ABLIM2: variants seen among roughly 807,000 people sequenced by gnomAD.
ABLIM2 encodes actin binding LIM protein family member 2, also known as actin-binding LIM protein 2.
Under a neutral mutation model 97.7 loss-of-function variants are expected in ABLIM2, and 53 were observed. That is an observed-to-expected ratio of 0.54 (90% CI 0.44 to 0.68). The LOEUF is 0.68. Ranked by LOEUF, ABLIM2 falls within the 30% of genes least tolerant of loss-of-function variation. The pLI, the probability that ABLIM2 is intolerant of heterozygous loss-of-function variation, is 0.00. For synonymous variants in ABLIM2, 361 were observed against 345.8 expected, an observed-to-expected ratio of 1.04 and a Z score of -0.49; for missense variants, 835 against 867.2, an observed-to-expected ratio of 0.96 and a Z score of 0.47.
intron 3 of ABLIM2, among the ~76,000 whole-genome samples, chr4:8,089,057 T>C (rs1825621377): frequency 6.6e-6 from 1 of 152,232 alleles, no homozygotes; most frequent in Non-Finnish European, 1.5e-5. Flanking sequence ...TTATTTCAAT[T>C]TTTTAAAGTA....
chr4:8,075,863 A>G lies in ABLIM2; in HGVS notation c.675+1765T>C, dbSNP rs1815681798. Among the ~76,000 whole-genome samples, 1 of 152,254 alleles carries G rather than the reference A, an allele frequency of 6.6e-6. No homozygotes were observed. The highest frequency in any genetic ancestry group is 1.5e-5 in the Non-Finnish European group (1 of 68,038). Reference sequence around the variant, plus strand: ...AAATAGGAAATATGAGTTGGGAAACACAGGGATGTTTGGGATACAACATGG... The same window carrying G: ...AAATAGGAAATATGAGTTGGGAAACGCAGGGATGTTTGGGATACAACATGG... On this transcript the variant is annotated intron_variant, in intron 6 of 20. Coordinates refer to ENST00000447017, the MANE Select transcript of ABLIM2 (RefSeq NM_001130083.2). This position sits in a 1 kb window ranked among gnomAD's most constrained non-coding sequence, Gnocchi z 4.4.
rs530303113 is a variant in ABLIM2, at chr4:8,023,271, C to T, written c.1268-2968G>A. 6.6e-6 allele frequency: 1 copy of T among 152,404 alleles called. No homozygotes were observed. The highest frequency in any genetic ancestry group is 2.1e-4 in the South Asian group (1 of 4,828). 9.4% of individuals were successfully genotyped at this position (152,404 alleles called of 1,614,324 possible). A position where few individuals can be genotyped will look rare whatever the true frequency, so the allele number is the denominator to read the frequency against. ...GTTTCCCCGGGTGTCACCTGATGTTCTTCCGCTCCAGGATCCCACCCAGGA... is the reference window on the plus strand; with the variant it reads ...GTTTCCCCGGGTGTCACCTGATGTTTTTCCGCTCCAGGATCCCACCCAGGA... On this transcript the variant is annotated intron_variant, in intron 12 of 20. Transcript: ENST00000447017. The surrounding 1 kb of genome is among the most constrained non-coding windows in gnomAD (Gnocchi z 5.7).
chr4:7,994,718 G>A (rs80084975), intron 16 of ABLIM2, among the ~76,000 whole-genome samples: 2 of 112,602 alleles, frequency 1.8e-5, no homozygotes, highest in Admixed American at 9.8e-5. Flanking sequence ...CCCACCAACA[G>A]TGTAAAAGTG....
At chr4:8,088,882 T>A (rs986886065) in intron 3 of ABLIM2, among the ~76,000 whole-genome samples, 1 of 152,152 alleles carries the variant, frequency 6.6e-6, no homozygotes, top group East Asian at 1.9e-4. Context: ...AGAACCAGAA[T>A]CAAACCAAGA....
intron 1 of ABLIM2, among the ~76,000 whole-genome samples, chr4:8,153,032 A>G (rs971006319): frequency 3.9e-5 from 6 of 152,176 alleles, no homozygotes; most frequent in African/African-American, 1.4e-4. Context: ...GGAAGGGACT[A>G]TGGAATCTAG....
rs992489135 is a variant in ABLIM2 at position 8,003,027 on chromosome 4, C to G, written c.1618+5032G>C. On this transcript the variant is annotated intron_variant, in intron 16 of 20. Coordinates refer to ENST00000447017, the MANE Select transcript of ABLIM2 (RefSeq NM_001130083.2). This position sits in a 1 kb window ranked among gnomAD's most constrained non-coding sequence, Gnocchi z 4.2. ...TGTCTCCCAGCCCCTAGTAGAATGT[C>G]GGCTCCCCAGACAGGGAACTTTGTC... is the stretch of plus-strand genomic sequence containing the variant. Among the ~76,000 whole-genome samples, 2 of 152,188 alleles carry G rather than the reference C, an allele frequency of 1.3e-5. No homozygotes were observed. Among genetic ancestry groups the G allele is most frequent in the East Asian group, 3.9e-4 (2 of 5,188 alleles).
chr4:8,022,431 G>A lies in ABLIM2; in HGVS notation c.1268-2128C>T, dbSNP rs973087367. Among the ~76,000 whole-genome samples the A allele has an allele frequency of 2.0e-5, 3 of 152,326 alleles. No homozygotes were observed. In the South Asian group the frequency reaches 6.2e-4, roughly 32 times the overall value. On this transcript the variant is annotated intron_variant, in intron 12 of 20. Coordinates refer to ENST00000447017, the MANE Select transcript of ABLIM2 (RefSeq NM_001130083.2). The surrounding 1 kb of genome is among the most constrained non-coding windows in gnomAD (Gnocchi z 7.8). ...TTGAGGAGGGTCCGGAGACTCATCA[G>A]CTTTCATCAGATACTTGGAGGGGCC...
intron 18 of ABLIM2, among the ~76,000 whole-genome samples, chr4:7,983,897 C>T (rs7686189): frequency 0.07 from 10,614 of 152,296 alleles, 388 homozygotes; most frequent in Non-Finnish European, 0.079. Context: ...GCCTGTACAG[C>T]GGGCATTTCA....
intron 12 of ABLIM2, among the ~76,000 whole-genome samples, chr4:8,027,556 G>A (rs572538845): frequency 2.6e-4 from 39 of 152,300 alleles, no homozygotes; most frequent in Middle Eastern, 3.4e-3. Context: ...GTTCCTTTAT[G>A]TAACAAGGTA....
rs1803446792 is a variant in ABLIM2, at chr4:8,061,994, G to C, written c.676-940C>G. ...AGGCTTTTCTCCTGCGCAGAGCCTG[G>C]TGTGGCCTCCTCTGCCAACCTCCGG... On this transcript the variant is annotated intron_variant, in intron 6 of 20. Transcript: ENST00000447017. The surrounding 1 kb of genome is among the most constrained non-coding windows in gnomAD (Gnocchi z 4.5). 6.6e-6 allele frequency among the ~76,000 whole-genome samples: 1 copy of C among 152,154 alleles called. No individual in the cohort carries two copies. The highest frequency in any genetic ancestry group is 1.5e-5 in the Non-Finnish European group (1 of 68,044).
intron 3 of ABLIM2, among the ~76,000 whole-genome samples, chr4:8,091,359 ATAT>A (rs1827650128): frequency 4.1e-5 from 2 of 49,162 alleles, no homozygotes; most frequent in African/African-American, 1.6e-4. Flanking sequence ...ATAATTATAT[ATAT>A]ATTATATTAC....
chr4:7,990,478 G>A (rs926550023), intron 17 of ABLIM2, among the ~76,000 whole-genome samples: 5 of 152,042 alleles, frequency 3.3e-5, no homozygotes, highest in African/African-American at 4.8e-5. Flanking sequence ...GAGCAACCAC[G>A]CCCCACCTCT....
rs984177937 is a variant in ABLIM2, at chr4:8,082,672, A to AG, written c.455-1871dup. Among the ~76,000 whole-genome samples, 1 of 152,214 alleles carries AG rather than the reference A, an allele frequency of 6.6e-6. No homozygotes were observed. Among genetic ancestry groups the AG allele is most frequent in the Non-Finnish European group, 1.5e-5 (1 of 68,028 alleles). On this transcript the variant is annotated intron_variant, in intron 4 of 20. Transcript: ENST00000447017. The surrounding 1 kb of genome is among the most constrained non-coding windows in gnomAD (Gnocchi z 5.6). Reference sequence around the variant, plus strand: ...AGAGCAGATTCAAACTCTGAGGGAAAGGGGGGCCTCTTACTCATTTCAGGA... The same window carrying AG: ...AGAGCAGATTCAAACTCTGAGGGAAAGGGGGGGCCTCTTACTCATTTCAGGA...
intron 1 of ABLIM2, among the ~76,000 whole-genome samples, chr4:8,153,236 C>T (rs1425345475): frequency 1.3e-5 from 2 of 152,200 alleles, no homozygotes; most frequent in Admixed American, 1.3e-4. Context: ...GCAGCTTTTC[C>T]ATGAGTCAGG....
At chr4:7,967,887 G>C (rs1297950981) in intron 20 of ABLIM2, among the ~76,000 whole-genome samples, 3 of 152,202 alleles carry the variant, frequency 2.0e-5, no homozygotes, top group Non-Finnish European at 2.9e-5. Flanking sequence ...GTGGGTGCTG[G>C]CTGCATGTGT....
chr4:8,145,541 C>T lies in ABLIM2; in HGVS notation c.10+13139G>A, dbSNP rs539055659. On this transcript the variant is annotated intron_variant, in intron 1 of 20. Coordinates refer to ENST00000447017, the MANE Select transcript of ABLIM2 (RefSeq NM_001130083.2). Reference sequence around the variant, plus strand: ...TCCCTTTGGATCCCACTCTGGTGAGCGCCGGGGGTTCCTGAGGTTGCCAGC... The same window carrying T: ...TCCCTTTGGATCCCACTCTGGTGAGTGCCGGGGGTTCCTGAGGTTGCCAGC... Among the ~76,000 whole-genome samples the T allele has an allele frequency of 7.2e-5, 11 of 152,128 alleles. 1 individual carries two copies. Among genetic ancestry groups the T allele is most frequent in the Admixed American group, 2.6e-4 (4 of 15,264 alleles).
intron 16 of ABLIM2, chr4:7,993,866 T>G: frequency 4.1e-6 from 2 of 484,200 alleles, no homozygotes; most frequent in Non-Finnish European, 8.2e-6. Flanking sequence ...CCGAGCTCCC[T>G]CCATCACTCA....
intron 2 of ABLIM2, among the ~76,000 whole-genome samples, chr4:8,101,164 G>C (rs562300350): frequency 3.9e-5 from 6 of 152,230 alleles, no homozygotes; most frequent in Admixed American, 3.9e-4. Context: ...CCAGGGGCCT[G>C]AGTGAGCCTT....
Position 8,054,292 on chromosome 4 carries a change from T to C in ABLIM2, c.764-46A>G, listed in dbSNP as rs373895336. The C allele has an allele frequency of 3.1e-4, 495 of 1,596,618 alleles. No homozygotes were observed. Among genetic ancestry groups the C allele is most frequent in the Non-Finnish European group, 4.1e-4 (483 of 1,164,858 alleles). On this transcript the variant is annotated intron_variant, in intron 7 of 20. Coordinates refer to ENST00000447017, the MANE Select transcript of ABLIM2 (RefSeq NM_001130083.2). The surrounding 1 kb of genome is among the most constrained non-coding windows in gnomAD (Gnocchi z 4.9). ...GGGAAATGATTAGAGTTATTTCCCATGTTGCAGGGGCCTGTGTGGAAACGC... is the reference window on the plus strand; with the variant it reads ...GGGAAATGATTAGAGTTATTTCCCACGTTGCAGGGGCCTGTGTGGAAACGC...
Sources: gnomAD v4.1 joint callset for allele counts (sites outside exome capture counted in the v4.1 genomes callset) on GRCh38, gnomAD v4.1.1 for gene constraint, Gnocchi (gnomAD v3.1) non-coding constraint, MANE v1.5 for transcripts, NCBI Gene and HGNC (gene_info 2026-07-23, HGNC 2026-07-21) for gene names.